Variants in CELF2 observed in about 807,000 individuals in gnomAD.
CELF2 encodes the protein CUGBP Elav-like family member 2.
Under a neutral mutation model 62.6 loss-of-function variants are expected in CELF2, and 8 were observed. The ratio of observed to expected loss-of-function variants is 0.13; its 90% CI spans 0.07 to 0.23. The LOEUF (loss-of-function observed/expected upper bound fraction) is 0.23, where lower values mean the gene tolerates loss of function less well. Ranked by LOEUF, CELF2 falls within the 10% of genes least tolerant of loss-of-function variation. The pLI, the probability that CELF2 is intolerant of heterozygous loss-of-function variation, is 1.00. For missense variants in CELF2, 333 were observed against 671.0 expected (o/e 0.50, Z 5.56); for synonymous variants, 258 against 250.0 (o/e 1.03, Z -0.30).
At chr10:10,953,818 TAAA>T (rs58340846) in intron 2 of CELF2, among the ~76,000 whole-genome samples, 1 of 142,974 alleles carries the variant, frequency 7.0e-6, no homozygotes. Flanking sequence ...ACAAGCAAAG[TAAA>T]AAAAAAAAAA....
the CELF2 span, among the ~76,000 whole-genome samples, chr10:10,549,948 A>G: frequency 6.6e-6 from 1 of 152,152 alleles, no homozygotes; most frequent in African/African-American, 2.4e-5. Flanking sequence ...TAAAGGGGTG[A>G]GGGAGGCAGG....
At chr10:11,128,661 T>C (rs1161641346) in intron 1 of CELF2, among the ~76,000 whole-genome samples, 1 of 152,242 alleles carries the variant, frequency 6.6e-6, no homozygotes, top group Admixed American at 6.5e-5. Context: ...AGTTCACTCA[T>C]GATTTGGCTC....
the CELF2 span, among the ~76,000 whole-genome samples, chr10:10,669,485 GA>G: frequency 6.6e-6 from 1 of 152,178 alleles, no homozygotes; most frequent in Non-Finnish European, 1.5e-5. Flanking sequence ...TGCATTGTCA[GA>G]AGCTAACTGG....
rs116377426 is a variant in CELF2, at chr10:10,916,655, C to T, written c.54-3309C>T. ...TGAGACAGAGTTTTGCTCAGTTACC[C>T]GGAGTGGAGTGCAGTGGCGTGATCG... On this transcript the variant is annotated intron_variant, in intron 1 of 13. Coordinates refer to the CELF2 transcript ENST00000636488. Among the ~76,000 whole-genome samples, 392 of 152,296 alleles carry T rather than the reference C, an allele frequency of 2.6e-3. 4 individuals are homozygous for T. The highest frequency in any genetic ancestry group is 9.1e-3 in the African/African-American group (379 of 41,568).
At chr10:11,099,371 G>A (rs2050800760) in intron 1 of CELF2, among the ~76,000 whole-genome samples, 1 of 152,160 alleles carries the variant, frequency 6.6e-6, no homozygotes, top group South Asian at 2.1e-4. Context: ...TAACATTTTT[G>A]AAGGAGAAAA....
chr10:10,467,871 A>T, the CELF2 span, among the ~76,000 whole-genome samples: 1 of 152,100 alleles, frequency 6.6e-6, no homozygotes, highest in Non-Finnish European at 1.5e-5. Context: ...AAAAATAAAA[A>T]ATGTAAACTT....
the CELF2 span, among the ~76,000 whole-genome samples, chr10:10,774,899 G>A: frequency 6.7e-6 from 1 of 148,260 alleles, no homozygotes; most frequent in South Asian, 2.1e-4. Flanking sequence ...TTTTTTTTGA[G>A]TCAAAGTCTC....
chr10:10,479,392 C>T, the CELF2 span, among the ~76,000 whole-genome samples: 5 of 152,154 alleles, frequency 3.3e-5, no homozygotes, highest in Non-Finnish European at 7.3e-5. Context: ...TGGTCTCGAC[C>T]TCCTGACCTC....
intron 1 of CELF2, among the ~76,000 whole-genome samples, chr10:10,891,240 ACTCT>A (rs1376912306): frequency 6.6e-6 from 1 of 151,942 alleles, no homozygotes; most frequent in Non-Finnish European, 1.5e-5. Context: ...ACTGCTGTTC[ACTCT>A]CTCTCATATA....
chr10:10,816,524 T>A (rs1462884925), intron 1 of CELF2, among the ~76,000 whole-genome samples: 3 of 152,238 alleles, frequency 2.0e-5, no homozygotes, highest in African/African-American at 7.2e-5. Context: ...TTTATCTGTA[T>A]TATGCACATA....
In CELF2 at chr10:10,931,431, C is replaced by T. The variant is rs1464408419; in HGVS notation, c.89+11432C>T. Among the ~76,000 whole-genome samples the T allele has an allele frequency of 6.6e-6, 1 of 152,082 alleles. No individual in the cohort carries two copies. Among genetic ancestry groups the T allele is most frequent in the Non-Finnish European group, 1.5e-5 (1 of 68,026 alleles). On this transcript the variant is annotated intron_variant, in intron 2 of 13. Coordinates refer to the CELF2 transcript ENST00000636488. The surrounding 1 kb of genome is among the most constrained non-coding windows in gnomAD (Gnocchi z 6.1). The stretch of plus-strand genomic sequence containing the variant: ...AAAGGATTCTAAAGAGAAACTCATA[C>T]TGGAAACATGATTATCCAGTGAGTA...
At chr10:10,880,365 A>G (rs1371085899) in intron 1 of CELF2, among the ~76,000 whole-genome samples, 2 of 152,130 alleles carry the variant, frequency 1.3e-5, no homozygotes, top group Admixed American at 6.6e-5. Flanking sequence ...AGATAAATGT[A>G]CCATGATTTG....
the CELF2 span, among the ~76,000 whole-genome samples, chr10:10,564,666 A>ACACACG: frequency 9.8e-5 from 10 of 102,304 alleles, no homozygotes; most frequent in East Asian, 8.0e-4. Flanking sequence ...ACACACACAC[A>ACACACG]CACACACGCA....
intron 1 of CELF2, among the ~76,000 whole-genome samples, chr10:10,915,331 TTAAG>T (rs1468578948): frequency 6.6e-6 from 1 of 152,204 alleles, no homozygotes; most frequent in African/African-American, 2.4e-5. Context: ...CTCAAATTTA[TTAAG>T]TGTTTGGTGT....
the CELF2 span, among the ~76,000 whole-genome samples, chr10:10,470,176 G>A: frequency 6.6e-6 from 1 of 151,726 alleles, no homozygotes; most frequent in African/African-American, 2.4e-5. Context: ...AACCTTCATG[G>A]CCATAAAATA....
chr10:10,572,523 A>G, the CELF2 span, among the ~76,000 whole-genome samples: 1 of 150,420 alleles, frequency 6.6e-6, no homozygotes, highest in Non-Finnish European at 1.5e-5. Flanking sequence ...ACCTCCCCTG[A>G]CAAGCCCCAA....
chr10:10,637,130 C>T, the CELF2 span, among the ~76,000 whole-genome samples: 1 of 152,248 alleles, frequency 6.6e-6, no homozygotes, highest in South Asian at 2.1e-4. Flanking sequence ...CCCAGCTAGA[C>T]TTGTTTTCCA....
At chr10:10,483,710 TCCAGTCCAGTGAGAGG>T in the CELF2 span, among the ~76,000 whole-genome samples, 3 of 152,166 alleles carry the variant, frequency 2.0e-5, no homozygotes, top group South Asian at 6.2e-4. Flanking sequence ...CAGGCTGGTG[TCCAGTCCAGTGAGAGG>T]CTGAAAGGAG....
chr10:10,801,001 C>T (rs531452478), intron 1 of CELF2, among the ~76,000 whole-genome samples: 7 of 152,006 alleles, frequency 4.6e-5, no homozygotes, highest in African/African-American at 1.4e-4. Context: ...TATATGACTA[C>T]GGTTATAGAT....
Sources: allele counts gnomAD v4.1 joint callset (sites outside exome capture counted in the v4.1 genomes callset), GRCh38; gene constraint gnomAD v4.1.1; non-coding constraint Gnocchi (gnomAD v3.1); transcripts MANE v1.5; gene names NCBI Gene and HGNC (gene_info 2026-07-23, HGNC 2026-07-21).